The following KRTAP10-1 variants were observed in gnomAD, a reference collection of about 807,000 sequenced individuals.
KRTAP10-1 encodes keratin associated protein 10-1, also known as keratin-associated protein 10-1.
For missense variants in KRTAP10-1, 364 were observed against 369.2 expected (o/e 0.99, Z 0.12); for synonymous variants, 155 against 153.3 (o/e 1.01, Z -0.08).
chr21:44,539,629 G>A lies in KRTAP10-1; in HGVS notation c.522C>T (p.Cys174=), dbSNP rs1392550942. 2.5e-6 allele frequency: 4 copies of A among 1,613,556 alleles called. No homozygotes were observed. The highest frequency in any genetic ancestry group is 1.6e-4 in the Middle Eastern group (1 of 6,084). ...CQQSSCHPAC[C]TSSPCQQACC... ...AGGCCTGCTGGCAGGGGGAGGAGGT[G>A]CAGCAAGCTGGATGGCAGCTAGACT... Residue 174 remains cysteine, a synonymous_variant, in exon 1 of 1, where the codon TGC becomes TGT. Transcript: ENST00000400375.
rs781811559 is a variant in KRTAP10-1, at chr21:44,540,021, T to G, written c.130A>C (p.Thr44Pro). The G allele has an allele frequency of 1.9e-6, 3 of 1,612,772 alleles. No homozygotes were observed. The highest frequency in any genetic ancestry group is 1.7e-6 in the Non-Finnish European group (2 of 1,179,692). ...CGGCTCACTGGGGTGCAGACCAGGGTCAGGCAGGGGGCCGGGGCGCAGCAG... is the reference window on the plus strand; with the variant it reads ...CGGCTCACTGGGGTGCAGACCAGGGGCAGGCAGGGGGCCGGGGCGCAGCAG... ...LSCCAPAPCL[T>P]LVCTPVSRVS... Residue 44 changes from threonine to proline, a missense_variant, in exon 1 of 1, where the codon ACC becomes CCC. Physicochemically the swap from Thr to Pro is conservative, Grantham distance 38. Coordinates refer to ENST00000400375, the MANE Select transcript of KRTAP10-1 (RefSeq NM_198691.3).
Position 44,539,023 on chromosome 21 carries a change from C to G in KRTAP10-1, c.*279G>C. The G allele has an allele frequency of 1.7e-6, 1 of 575,534 alleles. No individual in the cohort carries two copies. Among genetic ancestry groups the G allele is most frequent in the Non-Finnish European group, 3.1e-6 (1 of 324,788 alleles). The allele number at this position is 575,534 out of a possible 1,614,324, so 35.7% of individuals were successfully genotyped here. The stretch of plus-strand genomic sequence containing the variant: ...GTTTATTGGGGAGCAGGAGGAGGTG[C>G]TGAGAGGTTCAAGTCGAGGCCAAGT... On this transcript the variant is annotated 3_prime_UTR_variant, in exon 1 of 1. Transcript: ENST00000400375.
rs587612341 is a variant in KRTAP10-1, at chr21:44,539,696, T to C, written c.455A>G (p.Tyr152Cys). ...CVPVCCKPVC[Y>C]VPTCSEDSSS... ...GGAATCCTCAGAGCAGGTGGGCACA[T>C]AGCACACAGGCTTGCAGCAAACAGG... The change falls in exon 1 of 1, where the codon TAT becomes TGT. Residue 152 changes from tyrosine (Y) to cysteine (C), a missense_variant. Coordinates refer to ENST00000400375, the MANE Select transcript of KRTAP10-1 (RefSeq NM_198691.3). 195 of 1,591,734 alleles carry C rather than the reference T, an allele frequency of 1.2e-4. No homozygotes were observed. Among genetic ancestry groups the C allele is most frequent in the African/African-American group, 2.7e-4 (20 of 72,734 alleles).
Position 44,539,294 on chromosome 21 carries a change from C to G in KRTAP10-1, c.*8G>C, listed in dbSNP as rs782274772. The G allele has an allele frequency of 4.4e-6, 7 of 1,607,036 alleles. No individual in the cohort carries two copies. In the African/African-American group the frequency reaches 8.0e-5, roughly 18 times the overall value. ...TCAGCAGCTGGACTCCTGGCCTGAG[C>G]AGAGGCCTCAGCAGGCCGGGCGGGA... On this transcript the variant is annotated 3_prime_UTR_variant, in exon 1 of 1. Coordinates refer to ENST00000400375, the MANE Select transcript of KRTAP10-1 (RefSeq NM_198691.3).
rs1569173446 is a variant in KRTAP10-1, at chr21:44,539,378, CAGG to C, written c.770_772del (p.Ser257del). 5 of 1,612,834 alleles carry C rather than the reference CAGG, an allele frequency of 3.1e-6. No homozygotes were observed. Among genetic ancestry groups the C allele is most frequent in the East Asian group, 2.2e-5 (1 of 44,820 alleles). On this transcript the variant is annotated inframe_deletion, in exon 1 of 1. Coordinates refer to ENST00000400375, the MANE Select transcript of KRTAP10-1 (RefSeq NM_198691.3). Reference sequence around the variant, plus strand: ...GGCCGGGCGGCAGCAGCTGGCCTGGCAGGAGGAGGCAGGGGCACAGCAGGAGGA... The same window carrying C: ...GGCCGGGCGGCAGCAGCTGGCCTGGCAGGAGGCAGGGGCACAGCAGGAGGA...
Position 44,539,496 on chromosome 21 carries a change from C to T in KRTAP10-1, c.655G>A (p.Ala219Thr), listed in dbSNP as rs1555916846. 4 of 1,613,724 alleles carry T rather than the reference C, an allele frequency of 2.5e-6. No homozygotes were observed. In the African/African-American group the frequency reaches 4.0e-5, roughly 16 times the overall value. Residue 219 changes from alanine to threonine, a missense_variant, in exon 1 of 1, where the codon GCT becomes ACT. Ala to Thr is a moderately conservative substitution (Grantham distance 58). Transcript: ENST00000400375. ...SCCQQSSCQP[A>T]CCTTSCCRPS... ...CTGCAGCAGGAGGTGGTGCAGCAAG[C>T]CGGCTGGCAGCTAGACTGCTGGCAG...
chr21:44,539,906 T>G lies in KRTAP10-1; in HGVS notation c.245A>C (p.Gln82Pro). 6.2e-7 allele frequency: 1 copy of G among 1,613,868 alleles called. No individual in the cohort carries two copies. Among genetic ancestry groups the G allele is most frequent in the Non-Finnish European group, 8.5e-7 (1 of 1,179,964 alleles). ...GCAGCAAGCCGGCTGGCAGCTAGAC[T>G]GCTGGCAGCACGAGGGCGTGCAGGA... ...TSSCTPSCCQ[Q>P]SSCQPACCTS... is the part of the protein sequence containing the mutation. The change falls in exon 1 of 1, where the codon CAG (glutamine) becomes CCG (proline). Residue 82 changes from glutamine to proline, a missense_variant. Physicochemically the swap from Gln to Pro is moderately conservative, Grantham distance 76. Transcript: ENST00000400375.
At position 44,539,872 on chromosome 21, in the gene KRTAP10-1, G is replaced by T. The variant is rs781920758; in HGVS notation, c.279C>A (p.Ser93=). 2.6e-5 allele frequency: 41 copies of T among 1,581,404 alleles called. No individual in the cohort carries two copies. The Admixed American group carries it at 7.4e-4, about 29-fold the overall frequency. The change falls in exon 1 of 1, where the codon TCC becomes TCA. Residue 93 remains serine (S), a synonymous_variant. Transcript: ENST00000400375. ...SSCQPACCTS[S]PCQQACCVPV... ...GCACGCAGCAGGCCTGCTGGCAGGG[G>T]GAGGAGGTGCAGCAAGCCGGCTGGC...
Position 44,539,738 on chromosome 21 carries a change from T to C in KRTAP10-1, c.413A>G (p.Gln138Arg). 4 of 1,612,214 alleles carry C rather than the reference T, an allele frequency of 2.5e-6. No homozygotes were observed. The highest frequency in any genetic ancestry group is 2.2e-5 in the East Asian group (1 of 44,784). Reference protein sequence around the residue: ...QPTCCASSSSQQSCCVPVCCK... With the variant: ...QPTCCASSSSRQSCCVPVCCK... ...GCAAACAGGCACACAGCAGGACTGC[T>C]GGCTGGAGGAAGAGGCACAGCAAGT... Residue 138 changes from glutamine (Q) to arginine (R), a missense_variant, in exon 1 of 1, where the codon CAG becomes CGG. Gln to Arg is a conservative substitution (Grantham distance 43). Coordinates refer to ENST00000400375, the MANE Select transcript of KRTAP10-1 (RefSeq NM_198691.3).
rs782489209 is a variant in KRTAP10-1 at position 44,539,575 on chromosome 21, G to A, written c.576C>T (p.Val192=). 2.7e-4 allele frequency: 432 copies of A among 1,613,414 alleles called. 6 individuals are homozygous for A. Among genetic ancestry groups the A allele is most frequent in the South Asian group, 2.3e-3 (205 of 91,012 alleles). Residue 192 remains valine (V), a synonymous_variant, in exon 1 of 1, where the codon GTC becomes GTT. Coordinates refer to ENST00000400375, the MANE Select transcript of KRTAP10-1 (RefSeq NM_198691.3). The part of the protein sequence containing the change: ...ACCVPVRCKP[V]CCKPICCVPV... Reference sequence around the variant, plus strand: ...GCACACAGCAGATGGGCTTGCAGCAGACAGGCTTGCAACGGACGGGCACGC... The same window carrying A: ...GCACACAGCAGATGGGCTTGCAGCAAACAGGCTTGCAACGGACGGGCACGC...
chr21:44,539,217 C>T lies in KRTAP10-1; in HGVS notation c.*85G>A. ...GGGGACCCGTCCTAGGTGGGGGAAG[C>T]CACCTAACCCAGGTCAGGAACTGAG... On this transcript the variant is annotated 3_prime_UTR_variant, in exon 1 of 1. Coordinates refer to ENST00000400375, the MANE Select transcript of KRTAP10-1 (RefSeq NM_198691.3). 6 of 1,545,242 alleles carry T rather than the reference C, an allele frequency of 3.9e-6. No individual in the cohort carries two copies. Among genetic ancestry groups the T allele is most frequent in the Non-Finnish European group, 4.3e-6 (5 of 1,151,644 alleles).
chr21:44,539,331 G>A lies in KRTAP10-1; in HGVS notation c.820C>T (p.Arg274Cys), dbSNP rs376945481. The A allele has an allele frequency of 1.1e-4, 172 of 1,611,744 alleles. No individual in the cohort carries two copies. Among genetic ancestry groups the A allele is most frequent in the Middle Eastern group, 5.1e-4 (3 of 5,872 alleles). Residue 274 changes from arginine (R) to cysteine (C), a missense_variant, in exon 1 of 1, where the codon CGC becomes TGC. By Grantham distance (180) the Arg-to-Cys change is radical. Transcript: ENST00000400375. Reference protein sequence around the residue: ...RPASCVSLLCRPACSRPAC With the variant: ...RPASCVSLLCCPACSRPAC ...CAGGCCGGGCGGGAGCACGCGGGGC[G>A]GCAGAGGAGGGACACGCAGGAGGCC...
At position 44,539,573 on chromosome 21, in the gene KRTAP10-1, C is replaced by T. The variant is rs781829519; in HGVS notation, c.578G>A (p.Cys193Tyr). Reference sequence around the variant, plus strand: ...GGGCACACAGCAGATGGGCTTGCAGCAGACAGGCTTGCAACGGACGGGCAC... The same window carrying T: ...GGGCACACAGCAGATGGGCTTGCAGTAGACAGGCTTGCAACGGACGGGCAC... The part of the protein sequence containing the change: ...CCVPVRCKPV[C>Y]CKPICCVPVC... Residue 193 changes from cysteine (C) to tyrosine (Y), a missense_variant, in exon 1 of 1, where the codon TGC becomes TAC. By Grantham distance (194) the Cys-to-Tyr change is radical. Transcript: ENST00000400375. 7 of 1,613,524 alleles carry T rather than the reference C, an allele frequency of 4.3e-6. No individual in the cohort carries two copies. The highest frequency in any genetic ancestry group is 3.3e-5 in the Admixed American group (2 of 59,970).
rs782514561 is a variant in KRTAP10-1 at position 44,539,167 on chromosome 21, G to A, written c.*135C>T. 38 of 1,406,046 alleles carry A rather than the reference G, an allele frequency of 2.7e-5. No individual in the cohort carries two copies. Among genetic ancestry groups the A allele is most frequent in the Non-Finnish European group, 2.9e-5 (31 of 1,067,280 alleles). The allele number at this position is 1,406,046 out of a possible 1,614,324, so 87.1% of individuals were successfully genotyped here. ...GAGGCTCCTGGGAGCAAGGAGGGGG[G>A]GTCACCTCAGCACAGGGGAGACACG... On this transcript the variant is annotated 3_prime_UTR_variant, in exon 1 of 1. Coordinates refer to ENST00000400375, the MANE Select transcript of KRTAP10-1 (RefSeq NM_198691.3).
In KRTAP10-1 at chr21:44,539,225, C is replaced by G. The variant is rs587620839; in HGVS notation, c.*77G>C. 1 of 1,559,404 alleles carries G rather than the reference C, an allele frequency of 6.4e-7. No individual in the cohort carries two copies. The highest frequency in any genetic ancestry group is 1.2e-5 in the South Asian group (1 of 82,370). The stretch of plus-strand genomic sequence containing the variant: ...GTCCTAGGTGGGGGAAGCCACCTAA[C>G]CCAGGTCAGGAACTGAGCCCAGCTG... On this transcript the variant is annotated 3_prime_UTR_variant, in exon 1 of 1. Transcript: ENST00000400375.
chr21:44,540,118 G>T lies in KRTAP10-1; in HGVS notation c.33C>A (p.Ser11Arg). The change falls in exon 1 of 1, where the codon AGC becomes AGA. Residue 11 changes from serine to arginine, a missense_variant. Transcript: ENST00000400375. ...CCACCTGCCAGGAGTCGGAGCAAGC[G>T]CTGGAGCAGACGGACATGGTGGACG... The part of the protein sequence containing the change: MAASTMSVCS[S>R]ACSDSWQVDA... 6.2e-7 allele frequency: 1 copy of T among 1,613,800 alleles called. No homozygotes were observed. The highest frequency in any genetic ancestry group is 8.5e-7 in the Non-Finnish European group (1 of 1,179,926).
In KRTAP10-1 at chr21:44,539,276, C is replaced by G; in HGVS notation, c.*26G>C. On this transcript the variant is annotated 3_prime_UTR_variant, in exon 1 of 1. Transcript: ENST00000400375. Reference sequence around the variant, plus strand: ...GCCCAGGGCGGGTGCCCATCAGCAGCTGGACTCCTGGCCTGAGCAGAGGCC... The same window carrying G: ...GCCCAGGGCGGGTGCCCATCAGCAGGTGGACTCCTGGCCTGAGCAGAGGCC... 2 of 1,600,520 alleles carry G rather than the reference C, an allele frequency of 1.2e-6. No individual in the cohort carries two copies. The highest frequency in any genetic ancestry group is 8.5e-7 in the Non-Finnish European group (1 of 1,174,068).
Position 44,539,162 on chromosome 21 carries a change from G to C in KRTAP10-1, c.*140C>G, listed in dbSNP as rs1172582933. 2 of 1,382,522 alleles carry C rather than the reference G, an allele frequency of 1.4e-6. No homozygotes were observed. Among genetic ancestry groups the C allele is most frequent in the Non-Finnish European group, 9.5e-7 (1 of 1,047,400 alleles). The allele number at this position is 1,382,522 out of a possible 1,614,324, so 85.6% of individuals were successfully genotyped here. The stretch of plus-strand genomic sequence containing the variant: ...GGATGGAGGCTCCTGGGAGCAAGGA[G>C]GGGGGGTCACCTCAGCACAGGGGAG... On this transcript the variant is annotated 3_prime_UTR_variant, in exon 1 of 1. Transcript: ENST00000400375.
In KRTAP10-1 at chr21:44,539,961, G is replaced by A. The variant is rs2053184606; in HGVS notation, c.190C>T (p.Pro64Ser). ...GTGCAGCCTGATTGGCAGGGGCTGG[G>A]CTCACAGGCTGCCTGGCAGCAGGGG... Reference protein sequence around the residue: ...SSPCCQAACEPSPCQSGCTSS... With the variant: ...SSPCCQAACESSPCQSGCTSS... Residue 64 changes from proline (P) to serine (S), a missense_variant, in exon 1 of 1, where the codon CCC becomes TCC. By Grantham distance (74) the Pro-to-Ser change is moderately conservative (BLOSUM62 -1). Coordinates refer to ENST00000400375, the MANE Select transcript of KRTAP10-1 (RefSeq NM_198691.3). The A allele has an allele frequency of 6.8e-6, 11 of 1,613,232 alleles. No homozygotes were observed. In the African/African-American group the frequency reaches 1.3e-4, roughly 20 times the overall value.
Sources: allele counts gnomAD v4.1 joint callset, GRCh38; gene constraint gnomAD v4.1.1; transcripts MANE v1.5; gene names NCBI Gene and HGNC (gene_info 2026-07-23, HGNC 2026-07-21).